AGAP1: variants seen among roughly 807,000 people sequenced by gnomAD.
The protein encoded by AGAP1 is ArfGAP with GTPase domain, ankyrin repeat and PH domain 1.
A neutral mutation model predicts 105.3 loss-of-function variants in AGAP1; 29 were observed. That is an observed-to-expected ratio of 0.28 (90% confidence interval 0.21 to 0.38). The LOEUF is 0.38. AGAP1 is among the 10% of genes least tolerant of loss of function. The probability of loss-of-function intolerance (pLI) is 1.00; values close to 1 mark genes in which losing one functional copy is unlikely to be tolerated. For missense variants in AGAP1, 998 were observed against 1,165.1 expected (o/e 0.86, Z 2.09); for synonymous variants, 509 against 485.9 (o/e 1.05, Z -0.63).
In AGAP1 at chr2:236,092,177, T is replaced by A. The variant is rs2059078591; in HGVS notation, c.2115-28015T>A. Among the ~76,000 whole-genome samples, 1 of 152,156 alleles carries A rather than the reference T, an allele frequency of 6.6e-6. No homozygotes were observed. The highest frequency in any genetic ancestry group is 2.4e-5 in the African/African-American group (1 of 41,444). The stretch of plus-strand genomic sequence containing the variant: ...AGAGAGACCCTTGACTGGTGCTAGA[T>A]ACAGGAACGTACATGTGACCAAATT... On this transcript the variant is annotated intron_variant, in intron 16 of 17. Transcript: ENST00000304032. This position sits in a 1 kb window ranked among gnomAD's most constrained non-coding sequence, Gnocchi z 4.7.
Position 235,665,995 on chromosome 2 carries a change from G to A in AGAP1, c.164-43184G>A, listed in dbSNP as rs1035558860. Among the ~76,000 whole-genome samples the A allele has an allele frequency of 1.3e-5, 2 of 152,196 alleles. No individual in the cohort carries two copies. Among genetic ancestry groups the A allele is most frequent in the African/African-American group, 4.8e-5 (2 of 41,460 alleles). ...TAGCTAGAAATGACCCGGGACAGAG[G>A]AGTCGTGAGACGGTGGCCAAAGCAT... On this transcript the variant is annotated intron_variant, in intron 1 of 17. Coordinates refer to ENST00000304032, the MANE Select transcript of AGAP1 (RefSeq NM_001037131.3). This position sits in a 1 kb window ranked among gnomAD's most constrained non-coding sequence, Gnocchi z 5.3.
At chr2:235,748,599 C>A (rs988111183) in intron 5 of AGAP1, among the ~76,000 whole-genome samples, 1 of 152,092 alleles carries the variant, frequency 6.6e-6, no homozygotes, top group African/African-American at 2.4e-5. Context: ...AGTTCACTTG[C>A]CTTCCAGTAA....
chr2:235,844,420 G>A (rs1049063934), intron 9 of AGAP1, among the ~76,000 whole-genome samples: 21 of 152,148 alleles, frequency 1.4e-4, no homozygotes, highest in Non-Finnish European at 3.1e-4. Flanking sequence ...TTGAAGGAAA[G>A]CCAGGAATTT....
intron 1 of AGAP1, among the ~76,000 whole-genome samples, chr2:235,688,797 C>G (rs1279542546): frequency 6.6e-6 from 1 of 152,156 alleles, no homozygotes; most frequent in African/African-American, 2.4e-5. Flanking sequence ...GCAGGGGAGT[C>G]AGTGGCATGA....
At position 236,109,548 on chromosome 2, in the gene AGAP1, A is replaced by G. The variant is rs572043455; in HGVS notation, c.2115-10644A>G. Among the ~76,000 whole-genome samples the G allele has an allele frequency of 2.6e-5, 4 of 152,310 alleles. No individual in the cohort carries two copies. Among genetic ancestry groups the G allele is most frequent in the Non-Finnish European group, 4.4e-5 (3 of 68,038 alleles). On this transcript the variant is annotated intron_variant, in intron 16 of 17. Transcript: ENST00000304032. This position sits in a 1 kb window ranked among gnomAD's most constrained non-coding sequence, Gnocchi z 5.4. The stretch of plus-strand genomic sequence containing the variant: ...GTGTTCTCGATCAGCAGCCTTGGAA[A>G]TGTCCTAGTCAGCGGCAGCGTCGGT...
At chr2:235,512,891 T>C (rs956042003) in intron 1 of AGAP1, among the ~76,000 whole-genome samples, 1 of 152,200 alleles carries the variant, frequency 6.6e-6, no homozygotes, top group African/African-American at 2.4e-5. Context: ...TTGGATGTTA[T>C]AAAAAATACA....
At chr2:235,669,644 C>CGCCACCA (rs1332216679) in intron 1 of AGAP1, 2 of 149,182 alleles carry the variant, frequency 1.3e-5, no homozygotes, top group Non-Finnish European at 3.0e-5. Flanking sequence ...GCCCGCCACC[C>CGCCACCA]GCCACCCTTC....
In AGAP1 at chr2:236,047,644, G is replaced by C. The variant is rs1056008582; in HGVS notation, c.1892-1415G>C. Among the ~76,000 whole-genome samples the C allele has an allele frequency of 3.4e-5, 4 of 119,286 alleles. No individual in the cohort carries two copies. In the South Asian group the frequency reaches 1.1e-3, roughly 33 times the overall value. 78.3% of individuals were successfully genotyped at this position (119,286 alleles called of 152,430 possible). ...TTGAGGAGTCTCGTTCTGTCACCCAGGCTGGAGTGCAGTGGCAGGATCTCC... is the reference window on the plus strand; with the variant it reads ...TTGAGGAGTCTCGTTCTGTCACCCACGCTGGAGTGCAGTGGCAGGATCTCC... On this transcript the variant is annotated intron_variant, in intron 15 of 17. Coordinates refer to ENST00000304032, the MANE Select transcript of AGAP1 (RefSeq NM_001037131.3).
intron 1 of AGAP1, among the ~76,000 whole-genome samples, chr2:235,634,712 G>T (rs1946935368): frequency 6.6e-6 from 1 of 152,104 alleles, no homozygotes; most frequent in Non-Finnish European, 1.5e-5. Context: ...TTCCTCATCA[G>T]ATTTCTCTGT....
intron 13 of AGAP1, among the ~76,000 whole-genome samples, chr2:235,997,915 C>T (rs1457414059): frequency 8.6e-5 from 13 of 152,028 alleles, no homozygotes; most frequent in Admixed American, 6.5e-4. Context: ...ATTTCGGGGT[C>T]TCGGAGGCTG....
chr2:235,750,224 C>T lies in AGAP1; in HGVS notation c.539-130C>T, dbSNP rs546674223. 2 of 1,334,746 alleles carry T rather than the reference C, an allele frequency of 1.5e-6. No homozygotes were observed. The highest frequency in any genetic ancestry group is 2.7e-5 in the South Asian group (2 of 72,802). The allele number at this position is 1,334,746 out of a possible 1,614,324, so 82.7% of individuals were successfully genotyped here. ...TAGTTGGGAGGCAAACGATGCTCTACAATTCCAGATTCATAAACTAATTAC... is the reference window on the plus strand; with the variant it reads ...TAGTTGGGAGGCAAACGATGCTCTATAATTCCAGATTCATAAACTAATTAC... On this transcript the variant is annotated intron_variant, in intron 5 of 17. Coordinates refer to ENST00000304032, the MANE Select transcript of AGAP1 (RefSeq NM_001037131.3). The surrounding 1 kb of genome is among the most constrained non-coding windows in gnomAD (Gnocchi z 5.3).
intron 1 of AGAP1, among the ~76,000 whole-genome samples, chr2:235,573,888 GTGTATTCATGGCTGGGGC>G (rs1290142622): frequency 5.9e-5 from 9 of 152,338 alleles, no homozygotes; most frequent in Middle Eastern, 3.4e-3. Flanking sequence ...TGGAGACCCC[GTGTATTCATGGCTGGGGC>G]TGGCTCCTGG....
intron 9 of AGAP1, among the ~76,000 whole-genome samples, chr2:235,828,489 T>A (rs12478435): frequency 1.3e-5 from 2 of 151,982 alleles, no homozygotes; most frequent in Non-Finnish European, 2.9e-5. Flanking sequence ...CTAACACTTA[T>A]GCATTGTATG....
rs1422154638 is a variant in AGAP1 at position 235,843,110 on chromosome 2, G to A, written c.1050+35779G>A. ...CATTGTCCTGTTGCCACCCTTGTCGGTTTTTCACCCTGCAGCCCTTTGAGA... is the reference window on the plus strand; with the variant it reads ...CATTGTCCTGTTGCCACCCTTGTCGATTTTTCACCCTGCAGCCCTTTGAGA... On this transcript the variant is annotated intron_variant, in intron 9 of 17. Transcript: ENST00000304032. This position sits in a 1 kb window ranked among gnomAD's most constrained non-coding sequence, Gnocchi z 5.9. 6.6e-6 allele frequency among the ~76,000 whole-genome samples: 1 copy of A among 152,182 alleles called. No individual in the cohort carries two copies.
chr2:235,784,720 G>A (rs559575072), intron 6 of AGAP1, among the ~76,000 whole-genome samples: 188 of 151,676 alleles, frequency 1.2e-3, no homozygotes, highest in Non-Finnish European at 2.3e-3. Context: ...AATTTAGATC[G>A]TTTTAAAAAT....
Position 236,090,977 on chromosome 2 carries a change from G to A in AGAP1, c.2115-29215G>A, listed in dbSNP as rs1407952759. Among the ~76,000 whole-genome samples the A allele has an allele frequency of 6.6e-6, 1 of 152,236 alleles. No individual in the cohort carries two copies. Among genetic ancestry groups the A allele is most frequent in the Non-Finnish European group, 1.5e-5 (1 of 68,042 alleles). ...TGGTGTCGACCTCCTGACCTCAGGT[G>A]ATCTGCCCACCTCGGCCTCCCGAAG... On this transcript the variant is annotated intron_variant, in intron 16 of 17. Coordinates refer to ENST00000304032, the MANE Select transcript of AGAP1 (RefSeq NM_001037131.3). The surrounding 1 kb of genome is among the most constrained non-coding windows in gnomAD (Gnocchi z 4.3).
chr2:235,748,426 A>G (rs530627708), intron 5 of AGAP1, among the ~76,000 whole-genome samples: 1 of 152,350 alleles, frequency 6.6e-6, no homozygotes, highest in Admixed American at 6.5e-5. Flanking sequence ...TATACTTAAA[A>G]AAAAAACTTT....
chr2:235,528,350 C>T (rs1942923098), intron 1 of AGAP1, among the ~76,000 whole-genome samples: 1 of 146,848 alleles, frequency 6.8e-6, no homozygotes, highest in Admixed American at 6.7e-5. Flanking sequence ...ACTCAGGCCC[C>T]CTCCCCCTCC....
chr2:235,794,534 T>C (rs1396741881), intron 6 of AGAP1, among the ~76,000 whole-genome samples: 1 of 152,170 alleles, frequency 6.6e-6, no homozygotes, highest in Middle Eastern at 3.2e-3. Context: ...TGCAGTGGCA[T>C]GATCTTGGCT....
Sources: gnomAD v4.1 joint callset for allele counts (sites outside exome capture counted in the v4.1 genomes callset) on GRCh38, gnomAD v4.1.1 for gene constraint, Gnocchi (gnomAD v3.1) non-coding constraint, MANE v1.5 for transcripts, NCBI Gene and HGNC (gene_info 2026-07-23, HGNC 2026-07-21) for gene names.